Variants in PIK3AP1 observed in about 807,000 individuals in gnomAD.
PIK3AP1 encodes phosphoinositide 3-kinase adapter protein 1.
Under a neutral mutation model 88.1 loss-of-function variants are expected in PIK3AP1, and 21 were observed. The observed-to-expected ratio is 0.24, with a 90% CI of 0.17 to 0.34. PIK3AP1 has a LOEUF of 0.34. PIK3AP1 is among the 10% of genes least tolerant of loss of function. PIK3AP1 has a pLI of 1.00. For missense variants in PIK3AP1, 828 were observed against 1,035.7 expected (o/e 0.80, Z 2.75); for synonymous variants, 398 against 400.0 (o/e 1.00, Z 0.06).
chr10:96,672,222 G>A (rs1002922422), intron 2 of PIK3AP1, among the ~76,000 whole-genome samples: 7 of 152,296 alleles, frequency 4.6e-5, no homozygotes, highest in Middle Eastern at 3.4e-3. Flanking sequence ...ATATGCAATC[G>A]TTTTGCCATC....
At chr10:96,608,299 C>T (rs1372486763) in intron 14 of PIK3AP1, among the ~76,000 whole-genome samples, 2 of 152,226 alleles carry the variant, frequency 1.3e-5, no homozygotes. Flanking sequence ...CCACCTGTCC[C>T]TTGCTCCTTC....
At chr10:96,705,703 C>T (rs887526552) in intron 2 of PIK3AP1, among the ~76,000 whole-genome samples, 6 of 151,498 alleles carry the variant, frequency 4.0e-5, no homozygotes, top group South Asian at 2.1e-4. Context: ...CCACCTCAGC[C>T]TCCCAAGTAG....
In PIK3AP1 at chr10:96,651,502, T is replaced by A. The variant is rs2134234166; in HGVS notation, c.855+7A>T. ...AGAAATCTCAGGTTTCCTTGTAATA[T>A]CCTTACCTGACACATGAATTCCACA... is the stretch of plus-strand genomic sequence containing the variant. On this transcript the variant is annotated splice_region_variant and intron_variant, in intron 5 of 16. Coordinates refer to ENST00000339364, the MANE Select transcript of PIK3AP1 (RefSeq NM_152309.3). 3.1e-6 allele frequency: 5 copies of A among 1,614,196 alleles called. No individual in the cohort carries two copies. Among genetic ancestry groups the A allele is most frequent in the Non-Finnish European group, 4.2e-6 (5 of 1,180,026 alleles).
chr10:96,638,931 T>C (rs552595270), intron 8 of PIK3AP1, among the ~76,000 whole-genome samples: 1 of 84,326 alleles, frequency 1.2e-5, no homozygotes, highest in South Asian at 5.8e-4. Context: ...TTTAAACACA[T>C]GAGAGGTTTG....
At chr10:96,640,637 T>A (rs1430027557) in intron 8 of PIK3AP1, among the ~76,000 whole-genome samples, 4 of 152,130 alleles carry the variant, frequency 2.6e-5, no homozygotes, top group Non-Finnish European at 2.9e-5. Context: ...GTGTGAAGGT[T>A]GATGCTTTAA....
At position 96,595,408 on chromosome 10, in the gene PIK3AP1, A is replaced by G; in HGVS notation, c.*169T>C. On this transcript the variant is annotated 3_prime_UTR_variant, in exon 17 of 17. Transcript: ENST00000339364. ...TAGTTTTTCACTTCTTCGTGCCTTA[A>G]TAAAATCTTCGAGGCAAGCCCAAAC... 1.4e-6 allele frequency: 1 copy of G among 690,156 alleles called. No individual in the cohort carries two copies. Among genetic ancestry groups the G allele is most frequent in the Non-Finnish European group, 2.4e-6 (1 of 409,570 alleles). The allele number at this position is 690,156 out of a possible 1,614,324, so 42.8% of individuals were successfully genotyped here.
intron 4 of PIK3AP1, among the ~76,000 whole-genome samples, chr10:96,652,339 C>T (rs1199448783): frequency 3.3e-5 from 5 of 152,066 alleles, no homozygotes; most frequent in African/African-American, 4.8e-5. Flanking sequence ...TTTGGGAGGC[C>T]GAGGCGGGTG....
At chr10:96,715,343 A>G (rs186546155) in intron 1 of PIK3AP1, among the ~76,000 whole-genome samples, 92 of 152,328 alleles carry the variant, frequency 6.0e-4, no homozygotes, top group African/African-American at 2.0e-3. Flanking sequence ...ACTACCAAAT[A>G]TAACGTAGTA....
Position 96,720,313 on chromosome 10 carries a change from C to T in PIK3AP1, c.13+69G>A, listed in dbSNP as rs1844554880. The T allele has an allele frequency of 2.4e-6, 3 of 1,233,434 alleles. No homozygotes were observed. The highest frequency in any genetic ancestry group is 3.2e-5 in the East Asian group (1 of 31,644). The allele number at this position is 1,233,434 out of a possible 1,614,324, so 76.4% of individuals were successfully genotyped here. ...GCAAACAGAAGCAAGCGGGGGAGCG[C>T]GCCTCAAGGGATGCGGGGTACGAGA... On this transcript the variant is annotated intron_variant, in intron 1 of 16. Coordinates refer to ENST00000339364, the MANE Select transcript of PIK3AP1 (RefSeq NM_152309.3). This position sits in a 1 kb window ranked among gnomAD's most constrained non-coding sequence, Gnocchi z 4.6.
intron 2 of PIK3AP1, chr10:96,700,987 C>T (rs908860473): frequency 4.9e-5 from 35 of 717,764 alleles, no homozygotes; most frequent in Non-Finnish European, 5.6e-5. Context: ...GCCTGAGCTA[C>T]CGCGGGCTCC....
intron 15 of PIK3AP1, 115 bp downstream of exon 15, chr10:96,603,864 A>G: frequency 3.1e-6 from 3 of 971,180 alleles, no homozygotes; most frequent in Non-Finnish European, 4.4e-6. Context: ...TTTCATATAA[A>G]TGGAATCCTA....
chr10:96,652,905 A>T (rs1589516963), intron 3 of PIK3AP1, 63 bp from the exon 4 acceptor site: 1 of 1,562,930 alleles, frequency 6.4e-7, no homozygotes, highest in East Asian at 2.2e-5. Context: ...TGTTGGGCCC[A>T]AGGGTCTCCC....
chr10:96,671,014 G>C (rs1346745793), intron 2 of PIK3AP1, among the ~76,000 whole-genome samples: 1 of 152,190 alleles, frequency 6.6e-6, no homozygotes, highest in Admixed American at 6.5e-5. Context: ...CCACAAGCAT[G>C]GTTTACAGTA....
intron 2 of PIK3AP1, among the ~76,000 whole-genome samples, chr10:96,692,019 G>A (rs1006129375): frequency 6.6e-6 from 1 of 152,038 alleles, no homozygotes; most frequent in Non-Finnish European, 1.5e-5. Flanking sequence ...GGTTTTACAG[G>A]GTAATTCTAG....
rs888935480 is a variant in PIK3AP1 at position 96,595,564 on chromosome 10, T to G, written c.*13A>C. ...CTTAAAGTCCTGAAGTAGGCAGGTT[T>G]TAGGAGGTGGAATCAGCGTCCTCTG... On this transcript the variant is annotated 3_prime_UTR_variant, in exon 17 of 17. Transcript: ENST00000339364. 1 of 1,612,660 alleles carries G rather than the reference T, an allele frequency of 6.2e-7. No individual in the cohort carries two copies. The highest frequency in any genetic ancestry group is 8.5e-7 in the Non-Finnish European group (1 of 1,179,276).
Position 96,626,757 on chromosome 10 carries a change from A to T in PIK3AP1, c.1620T>A (p.Thr540=). 6.2e-7 allele frequency: 1 copy of T among 1,614,258 alleles called. No homozygotes were observed. Among genetic ancestry groups the T allele is most frequent in the Non-Finnish European group, 8.5e-7 (1 of 1,180,042 alleles). The change falls in exon 10 of 17, where the codon ACT becomes ACA. Residue 540 remains threonine, a synonymous_variant. Coordinates refer to ENST00000339364, the MANE Select transcript of PIK3AP1 (RefSeq NM_152309.3). The stretch of plus-strand genomic sequence containing the variant: ...CAGGCAGCTGGTGAGCACCAGGAGC[A>T]GTGGTCTCTGGTCTGGGCACTGGGA... The part of the protein sequence containing the change: ...PPVPVPRPET[T]APGAHQLPDN...
chr10:96,604,154 A>G (rs1848959304), intron 14 of PIK3AP1, 105 bp from the exon 15 acceptor site: 1 of 952,326 alleles, frequency 1.1e-6, no homozygotes, highest in Non-Finnish European at 1.5e-6. Flanking sequence ...ATAATACATA[A>G]GCTGTAAGTA....
intron 2 of PIK3AP1, among the ~76,000 whole-genome samples, chr10:96,675,792 TTC>T (rs1564980190): frequency 6.6e-6 from 1 of 152,226 alleles, no homozygotes; most frequent in Non-Finnish European, 1.5e-5. Context: ...AAGCTGTCAT[TTC>T]TCTGTTAATA....
intron 1 of PIK3AP1, among the ~76,000 whole-genome samples, chr10:96,710,558 C>T (rs991822535): frequency 2.0e-5 from 3 of 152,136 alleles, no homozygotes; most frequent in Non-Finnish European, 2.9e-5. Flanking sequence ...GCTATTGCTT[C>T]TGCCTGGCAT....
Sources: allele counts gnomAD v4.1 joint callset (sites outside exome capture counted in the v4.1 genomes callset), GRCh38; gene constraint gnomAD v4.1.1; non-coding constraint Gnocchi (gnomAD v3.1); transcripts MANE v1.5; gene names NCBI Gene and HGNC (gene_info 2026-07-23, HGNC 2026-07-21).